The following FSTL5 variants were observed in gnomAD, a reference collection of about 807,000 sequenced individuals.
FSTL5 encodes the protein follistatin like 5, also known as follistatin-related protein 5.
Under a neutral mutation model 89.1 loss-of-function variants are expected in FSTL5, and 62 were observed. The observed-to-expected ratio is 0.70, with a 90% confidence interval of 0.57 to 0.86. The LOEUF (loss-of-function observed/expected upper bound fraction) is 0.86, where lower values mean the gene tolerates loss of function less well. FSTL5 is among the 40% of genes least tolerant of loss of function. The pLI is 0.00. For missense variants in FSTL5, 1,057 were observed against 1,001.6 expected (o/e 1.06, Z -0.75); for synonymous variants, 383 against 346.2 (o/e 1.11, Z -1.18).
intron 4 of FSTL5, among the ~76,000 whole-genome samples, chr4:161,842,673 C>G (rs1195720998): frequency 6.6e-6 from 1 of 152,036 alleles, no homozygotes; most frequent in East Asian, 1.9e-4. Flanking sequence ...AAACAATATG[C>G]AATCTGCTTT....
In FSTL5 at chr4:162,132,548, T is replaced by C. The variant is rs1394742172; in HGVS notation, c.-16-21136A>G. 3.3e-5 allele frequency among the ~76,000 whole-genome samples: 5 copies of C among 152,250 alleles called. No individual in the cohort carries two copies. The South Asian group carries it at 8.3e-4, about 25-fold the overall frequency. On this transcript the variant is annotated intron_variant, in intron 1 of 15. Coordinates refer to ENST00000306100, the MANE Select transcript of FSTL5 (RefSeq NM_020116.5). ...ACCGCGAGGGTCCGTGGCTTCATTC[T>C]TGAAGTCAGTGACACCAAGAACCCA...
At chr4:161,743,951 C>T (rs1054495671) in intron 6 of FSTL5, among the ~76,000 whole-genome samples, 2 of 152,118 alleles carry the variant, frequency 1.3e-5, no homozygotes, top group Non-Finnish European at 2.9e-5. Flanking sequence ...AATATGCTTG[C>T]ACTCTTCCTT....
At chr4:162,067,892 C>T (rs1176962334) in intron 2 of FSTL5, among the ~76,000 whole-genome samples, 3 of 151,874 alleles carry the variant, frequency 2.0e-5, no homozygotes, top group Non-Finnish European at 4.4e-5. Flanking sequence ...GCAAGCATTC[C>T]TATACACCAA....
At chr4:161,861,762 A>G (rs951568690) in intron 4 of FSTL5, among the ~76,000 whole-genome samples, 4 of 152,218 alleles carry the variant, frequency 2.6e-5, no homozygotes, top group Non-Finnish European at 5.9e-5. Context: ...TAATTCTCTG[A>G]TGATAAATGT....
At chr4:161,621,267 TAC>T (rs146037793) in intron 7 of FSTL5, among the ~76,000 whole-genome samples, 2,977 of 146,124 alleles carry the variant, frequency 0.02, 48 homozygotes, top group East Asian at 0.053. Flanking sequence ...ATGTAAAGAC[TAC>T]ACACACACAC....
At chr4:162,110,455 GA>G (rs201316155) in intron 2 of FSTL5, among the ~76,000 whole-genome samples, 24 of 151,110 alleles carry the variant, frequency 1.6e-4, no homozygotes, top group Admixed American at 4.6e-4. Context: ...ATTCCAAGGG[GA>G]AAAAAAATCT....
chr4:161,758,613 G>C (rs540398689), intron 6 of FSTL5, among the ~76,000 whole-genome samples: 1 of 152,242 alleles, frequency 6.6e-6, no homozygotes, highest in South Asian at 2.1e-4. Flanking sequence ...CCGCCCCCGG[G>C]TTCAAGTGAT....
intron 2 of FSTL5, among the ~76,000 whole-genome samples, chr4:162,090,597 G>A (rs1469870973): frequency 6.6e-6 from 1 of 151,988 alleles, no homozygotes; most frequent in Non-Finnish European, 1.5e-5. Context: ...GAGGCAGGTG[G>A]ATCACTTGAG....
chr4:162,139,873 G>A (rs1732659022), intron 1 of FSTL5, among the ~76,000 whole-genome samples: 1 of 151,976 alleles, frequency 6.6e-6, no homozygotes, highest in African/African-American at 2.4e-5. Flanking sequence ...AAAAAGACAT[G>A]GTACAACTGG....
chr4:161,414,137 T>C (rs1421541949), intron 15 of FSTL5, among the ~76,000 whole-genome samples: 2 of 152,156 alleles, frequency 1.3e-5, no homozygotes, highest in Non-Finnish European at 2.9e-5. Context: ...TATAAAAAAT[T>C]AAAGTAAATA....
At chr4:161,923,520 T>C (rs1340994515) in intron 3 of FSTL5, among the ~76,000 whole-genome samples, 2 of 151,904 alleles carry the variant, frequency 1.3e-5, no homozygotes, top group Non-Finnish European at 2.9e-5. Context: ...TTGACTCACA[T>C]ATTTATATTT....
At position 161,529,767 on chromosome 4, in the gene FSTL5, G is replaced by T. The variant is rs2126528477; in HGVS notation, c.1312+8399C>A. ...CACTATCAGGATAAAATCCTACCCG[G>T]CTGTGATGTCTGCACTTTATCTTTA... On this transcript the variant is annotated intron_variant, in intron 10 of 15. Transcript: ENST00000306100. Among the ~76,000 whole-genome samples, 2 of 141,824 alleles carry T rather than the reference G, an allele frequency of 1.4e-5. 1 individual carries two copies. The highest frequency in any genetic ancestry group is 4.9e-4 in the East Asian group (2 of 4,084). 93.0% of individuals were successfully genotyped at this position (141,824 alleles called of 152,430 possible). A position where few individuals can be genotyped will look rare whatever the true frequency, so the allele number is the denominator to read the frequency against.
In FSTL5 at chr4:161,910,645, C is replaced by T. The variant is rs1235704062; in HGVS notation, c.409+9759G>A. On this transcript the variant is annotated intron_variant, in intron 4 of 15. Transcript: ENST00000306100. ...GTCAGATAGTCTGACAACATTTTATCAGTGGCACTTCTGTCATCTTAATTG... is the reference window on the plus strand; with the variant it reads ...GTCAGATAGTCTGACAACATTTTATTAGTGGCACTTCTGTCATCTTAATTG... Among the ~76,000 whole-genome samples the T allele has an allele frequency of 6.6e-5, 10 of 152,116 alleles. 1 individual carries two copies. The highest frequency in any genetic ancestry group is 6.6e-4 in the Admixed American group (10 of 15,260).
intron 8 of FSTL5, among the ~76,000 whole-genome samples, chr4:161,545,784 C>A (rs56209139): frequency 7.2e-5 from 11 of 152,010 alleles, no homozygotes; most frequent in East Asian, 5.8e-4. Context: ...AGATGGAATA[C>A]CTCTCTTAAA....
At chr4:161,761,786 C>CT (rs1224588117) in intron 5 of FSTL5, among the ~76,000 whole-genome samples, 1 of 152,124 alleles carries the variant, frequency 6.6e-6, no homozygotes, top group East Asian at 1.9e-4. Flanking sequence ...TTTTTAAGCC[C>CT]TTATCATCTA....
intron 4 of FSTL5, among the ~76,000 whole-genome samples, chr4:161,916,743 A>G (rs1560914981): frequency 1.3e-5 from 2 of 152,252 alleles, no homozygotes; most frequent in South Asian, 2.1e-4. Context: ...ATTTACGTGT[A>G]TATTTAAAAG....
intron 3 of FSTL5, among the ~76,000 whole-genome samples, chr4:162,029,781 A>G (rs1737446856): frequency 6.6e-6 from 1 of 152,180 alleles, no homozygotes; most frequent in South Asian, 2.1e-4. Flanking sequence ...TATAAAATTT[A>G]TGATAAAAAG....
chr4:161,782,725 T>C (rs1741716814), intron 4 of FSTL5, among the ~76,000 whole-genome samples: 1 of 152,146 alleles, frequency 6.6e-6, no homozygotes, highest in African/African-American at 2.4e-5. Context: ...CCCAAACACT[T>C]TGCTACTTAA....
At chr4:161,745,684 CATT>C (rs1234554667) in intron 6 of FSTL5, among the ~76,000 whole-genome samples, 1 of 151,864 alleles carries the variant, frequency 6.6e-6, no homozygotes, top group African/African-American at 2.4e-5. Context: ...AAAAATCACT[CATT>C]GTAGCAATAA....
Sources: allele counts gnomAD v4.1 joint callset (sites outside exome capture counted in the v4.1 genomes callset), GRCh38; gene constraint gnomAD v4.1.1; transcripts MANE v1.5; gene names NCBI Gene and HGNC (gene_info 2026-07-23, HGNC 2026-07-21).